The following TIMELESS variants were observed in gnomAD, a reference collection of about 807,000 sequenced individuals.
TIMELESS encodes the protein protein timeless homolog.
TIMELESS carries 124 observed loss-of-function variants against 164.3 expected under a neutral mutation model. The ratio of observed to expected loss-of-function variants is 0.75; its 90% CI spans 0.65 to 0.88. The LOEUF (loss-of-function observed/expected upper bound fraction) is 0.88, where lower values mean the gene tolerates loss of function less well. TIMELESS is among the 40% of genes least tolerant of loss of function. The probability of loss-of-function intolerance (pLI) is 0.00; values close to 1 mark genes in which losing one functional copy is unlikely to be tolerated. For synonymous variants in TIMELESS, 564 were observed against 563.4 expected, an observed-to-expected ratio of 1.00 and a Z score of -0.02; for missense variants, 1,422 against 1,491.4, an observed-to-expected ratio of 0.95 and a Z score of 0.77.
At chr12:56,438,651 G>A (rs1739724919) in intron 1 of TIMELESS, among the ~76,000 whole-genome samples, 1 of 151,764 alleles carries the variant, frequency 6.6e-6, no homozygotes, top group South Asian at 2.1e-4. Context: ...GGTGGTGTGT[G>A]CTTGTGGTCC....
At chr12:56,420,503 G>A in intron 26 of TIMELESS, 66 bp downstream of exon 26, 1 of 1,284,396 alleles carries the variant, frequency 7.8e-7, no homozygotes, top group South Asian at 1.2e-5. Context: ...CAGTGAGGAG[G>A]AGGAGGAGAT....
In TIMELESS at chr12:56,417,951, A is replaced by G. The variant is rs763762248; in HGVS notation, c.3512T>C (p.Leu1171Pro). ...LKAAPKKRQL[L>P]DSDEEQEEDE... ...TTCTTCCTGTTCCTCGTCGCTGTCCAGCAATTGTCGTTTCTTGGGTGCTGC... is the reference window on the plus strand; with the variant it reads ...TTCTTCCTGTTCCTCGTCGCTGTCCGGCAATTGTCGTTTCTTGGGTGCTGC... Residue 1171 changes from leucine to proline, a missense_variant, in exon 28 of 29, where the codon CTG (leucine) becomes CCG (proline). Transcript: ENST00000553532. 3 of 1,614,184 alleles carry G rather than the reference A, an allele frequency of 1.9e-6. No homozygotes were observed. In the East Asian group the frequency reaches 6.7e-5, roughly 36 times the overall value.
In TIMELESS at chr12:56,425,064, A is replaced by C; in HGVS notation, c.1667T>G (p.Val556Gly). ...AGCCAGGGCTGGCCACACAGCCTCC[A>C]CTTCTTCTGGGCTAGATGGGACATT... is the stretch of plus-strand genomic sequence containing the variant. ...SGNVPSSPEE[V>G]EAVWPALAEQ... Residue 556 changes from valine to glycine, a missense_variant, in exon 14 of 29, where the codon GTG becomes GGG. Val to Gly is a moderately radical substitution (Grantham distance 109). Coordinates refer to ENST00000553532, the MANE Select transcript of TIMELESS (RefSeq NM_003920.5). 1 of 1,614,168 alleles carries C rather than the reference A, an allele frequency of 6.2e-7. No individual in the cohort carries two copies. The highest frequency in any genetic ancestry group is 1.1e-5 in the South Asian group (1 of 91,086).
Position 56,417,888 on chromosome 12 carries a change from G to A in TIMELESS, c.3556+19C>T, listed in dbSNP as rs1463082234. On this transcript the variant is annotated intron_variant, in intron 28 of 28. Transcript: ENST00000553532. ...TTCAGGATTAGAGAAGAAAAAGAAG[G>A]TCCCATCAAATTCCCTACCTCTGTT... 5.0e-6 allele frequency: 8 copies of A among 1,614,008 alleles called. No homozygotes were observed. Among genetic ancestry groups the A allele is most frequent in the Non-Finnish European group, 6.8e-6 (8 of 1,179,912 alleles).
At chr12:56,424,481 C>A (rs541036094) in intron 15 of TIMELESS, among the ~76,000 whole-genome samples, 6 of 152,110 alleles carry the variant, frequency 3.9e-5, no homozygotes, top group Admixed American at 3.9e-4. Flanking sequence ...AGAAACATGC[C>A]GTAGGTCATT....
At chr12:56,428,209 T>C (rs1460957458) in intron 13 of TIMELESS, 27 bp downstream of exon 13, 1 of 1,556,126 alleles carries the variant, frequency 6.4e-7, no homozygotes. Flanking sequence ...CTTACAGCTC[T>C]TTCTACATTG....
chr12:56,423,055 C>T, intron 18 of TIMELESS, 63 bp from the exon 19 acceptor site: 1 of 1,562,540 alleles, frequency 6.4e-7, no homozygotes, highest in Non-Finnish European at 8.7e-7. Context: ...ACCTGGCCCT[C>T]TAGGTATTTT....
rs772950563 is a variant in TIMELESS at position 56,430,127 on chromosome 12, T to C, written c.1064A>G (p.Asn355Ser). ...CACCTTTACTGATCCCATGAGCCGGTTGTAACAGTTCTCCAGGAACTCAGA... is the reference window on the plus strand; with the variant it reads ...CACCTTTACTGATCCCATGAGCCGGCTGTAACAGTTCTCCAGGAACTCAGA... ...FCSEFLENCYNRLMGSVKDHL... is the reference protein window; with the variant it reads ...FCSEFLENCYSRLMGSVKDHL... The change falls in exon 10 of 29, where the codon AAC becomes AGC. Residue 355 changes from asparagine to serine, a missense_variant. Transcript: ENST00000553532. The C allele has an allele frequency of 1.9e-6, 3 of 1,613,482 alleles. No individual in the cohort carries two copies. The highest frequency in any genetic ancestry group is 2.2e-5 in the South Asian group (2 of 90,988).
intron 3 of TIMELESS, 40 bp from the exon 4 acceptor site, chr12:56,433,692 T>A (rs746378484): frequency 6.2e-7 from 1 of 1,613,870 alleles, no homozygotes; most frequent in South Asian, 1.1e-5. Flanking sequence ...TTAAGTTTCT[T>A]TACCAGCTCA....
intron 1 of TIMELESS, among the ~76,000 whole-genome samples, chr12:56,443,113 C>T (rs1274666716): frequency 2.0e-5 from 3 of 152,134 alleles, no homozygotes; most frequent in Non-Finnish European, 4.4e-5. Context: ...CAGCGATTTT[C>T]AGGGAACAAG....
At chr12:56,443,524 A>T (rs1394484695) in intron 1 of TIMELESS, among the ~76,000 whole-genome samples, 1 of 152,026 alleles carries the variant, frequency 6.6e-6, no homozygotes, top group African/African-American at 2.4e-5. Flanking sequence ...AGTAATTCTA[A>T]TTTTGCCCTT....
At chr12:56,418,411 G>C (rs1786121329) in intron 26 of TIMELESS, 52 bp from the exon 27 acceptor site, 2 of 1,343,204 alleles carry the variant, frequency 1.5e-6, no homozygotes, top group Non-Finnish European at 1.0e-6. Flanking sequence ...TTGTTTCCCA[G>C]AGTATGATAT....
chr12:56,433,775 G>T lies in TIMELESS; in HGVS notation c.249C>A (p.Ile83=), dbSNP rs150277522. 1.9e-4 allele frequency: 301 copies of T among 1,614,116 alleles called. 1 individual carries two copies. The highest frequency in any genetic ancestry group is 3.1e-5 in the Non-Finnish European group (37 of 1,180,044). Residue 83 remains isoleucine, a splice_region_variant and synonymous_variant, in exon 3 of 29, where the codon ATC becomes ATA. Coordinates refer to ENST00000553532, the MANE Select transcript of TIMELESS (RefSeq NM_003920.5). ...HQDKPLFDAV[I]RLMVNLTQPA... ...AGTTTAAAAGCTAGGGAGGCAACCT[G>T]ATAACAGCATCAAAGAGAGGCTTGT...
At chr12:56,429,167 C>A in intron 10 of TIMELESS, 67 bp from the exon 11 acceptor site, 1 of 1,418,372 alleles carries the variant, frequency 7.1e-7, no homozygotes, top group Non-Finnish European at 9.5e-7. Flanking sequence ...TCCTTCCTGT[C>A]CTATGATGAT....
chr12:56,431,672 G>A, intron 7 of TIMELESS, 68 bp from the exon 8 acceptor site: 2 of 1,556,722 alleles, frequency 1.3e-6, no homozygotes, highest in South Asian at 2.4e-5. Flanking sequence ...ACGCCTACTG[G>A]GGATGCAAAG....
At chr12:56,432,312 T>C in intron 7 of TIMELESS, 57 bp downstream of exon 7, 1 of 1,559,782 alleles carries the variant, frequency 6.4e-7, no homozygotes, top group South Asian at 1.2e-5. Context: ...CAATTCTGGC[T>C]GTACAGCAGA....
chr12:56,430,635 A>G (rs1216926192), intron 9 of TIMELESS, among the ~76,000 whole-genome samples: 1 of 152,066 alleles, frequency 6.6e-6, no homozygotes, highest in East Asian at 1.9e-4. Flanking sequence ...TCAAAGTGTT[A>G]AGATTACAGG....
chr12:56,439,006 A>G (rs1882163456), intron 1 of TIMELESS, among the ~76,000 whole-genome samples: 1 of 151,250 alleles, frequency 6.6e-6, no homozygotes, highest in African/African-American at 2.4e-5. Context: ...TCTACTAAAA[A>G]TACAAAAAAA....
At chr12:56,432,575 C>T in intron 6 of TIMELESS, 51 bp from the exon 7 acceptor site, 1 of 1,591,228 alleles carries the variant, frequency 6.3e-7, no homozygotes, top group Non-Finnish European at 8.6e-7. Context: ...ATCCCACTGC[C>T]CTGCCTTGAA....
Sources: gnomAD v4.1 joint callset for allele counts (sites outside exome capture counted in the v4.1 genomes callset) on GRCh38, gnomAD v4.1.1 for gene constraint, MANE v1.5 for transcripts, NCBI Gene and HGNC (gene_info 2026-07-23, HGNC 2026-07-21) for gene names.